Variants in RSKR observed in about 807,000 individuals in gnomAD.
RSKR encodes ribosomal protein S6 kinase related, also known as ribosomal protein S6 kinase-related protein.
RSKR carries 44 observed loss-of-function variants against 56.8 expected under a neutral mutation model. The ratio of observed to expected loss-of-function variants is 0.77; its 90% CI spans 0.61 to 1.00. The LOEUF is 1.00. Ranked by LOEUF, RSKR falls within the 50% of genes least tolerant of loss-of-function variation. RSKR has a pLI of 0.00. For missense variants in RSKR, 510 were observed against 506.9 expected, an observed-to-expected ratio of 1.01 and a Z score of -0.06; for synonymous variants, 181 against 188.0, an observed-to-expected ratio of 0.96 and a Z score of 0.30.
chr17:28,611,895 A>G lies in RSKR; in HGVS notation c.694-100T>C. On this transcript the variant is annotated intron_variant, in intron 7 of 11. Transcript: ENST00000301037. Reference sequence around the variant, plus strand: ...AAGGTGATGCCCTACTCAGCACTCAAATCTATACTCAGAGAGCCCTTCCCC... The same window carrying G: ...AAGGTGATGCCCTACTCAGCACTCAGATCTATACTCAGAGAGCCCTTCCCC... 1.9e-6 allele frequency: 3 copies of G among 1,611,738 alleles called. No individual in the cohort carries two copies. The South Asian group carries it at 3.3e-5, about 18-fold the overall frequency.
At chr17:28,613,909 G>A (rs192776035) in intron 1 of RSKR, 178 bp downstream of exon 1, 25 of 979,758 alleles carry the variant, frequency 2.6e-5, no homozygotes, top group African/African-American at 1.8e-4. Context: ...TCACCATGAC[G>A]CATTAAGAGT....
rs185508082 is a variant in RSKR at position 28,611,453 on chromosome 17, G to T, written c.840C>A (p.Tyr280Ter). 3 of 1,606,330 alleles carry T rather than the reference G, an allele frequency of 1.9e-6. No homozygotes were observed. The highest frequency in any genetic ancestry group is 2.5e-6 in the Non-Finnish European group (3 of 1,179,032). Residue 280 changes from tyrosine to a stop codon, truncating the protein, a stop_gained, in exon 10 of 12, where the codon TAC becomes TAA. Coordinates refer to ENST00000301037, the MANE Select transcript of RSKR (RefSeq NM_001174103.2). LOFTEE classifies it high-confidence loss of function. ...MAPEVLSGGP[Y>*]NHAADWWSLG... ...GGGACCACCAATCAGCAGCATGGTT[G>T]TAAGGTCCTCCACTTAGGACCTCTG... is the stretch of plus-strand genomic sequence containing the variant.
rs770214271 is a variant in RSKR at position 28,611,623 on chromosome 17, C to T, written c.755G>A (p.Arg252His). ...GGCTTGAGCTCCCTGGGGCACGTGG[C>T]GGGACAGACCAAAGTCTGTCAGTTT... ...HLKLTDFGLS[R>H]HVPQGAQAYT... Residue 252 changes from arginine to histidine, a missense_variant, in exon 9 of 12, where the codon CGC (arginine) becomes CAC (histidine). By Grantham distance (29) the Arg-to-His change is conservative. Transcript: ENST00000301037. 46 of 1,575,008 alleles carry T rather than the reference C, an allele frequency of 2.9e-5. No homozygotes were observed. Among genetic ancestry groups the T allele is most frequent in the Admixed American group, 7.2e-5 (4 of 55,748 alleles).
At chr17:28,613,234 G>T (rs1383545974) in intron 3 of RSKR, 28 bp downstream of exon 3, 1 of 1,613,866 alleles carries the variant, frequency 6.2e-7, no homozygotes, top group East Asian at 2.2e-5. Context: ...ATTGGAAACA[G>T]AGACTAATGT....
At position 28,614,113 on chromosome 17, in the gene RSKR, GT is replaced by G; in HGVS notation, c.48del (p.Glu16AspfsTer54). 6.2e-7 allele frequency: 1 copy of G among 1,613,592 alleles called. No homozygotes were observed. The highest frequency in any genetic ancestry group is 8.5e-7 in the Non-Finnish European group (1 of 1,179,944). On this transcript the variant is annotated frameshift_variant, in exon 1 of 12. Transcript: ENST00000301037. LOFTEE classifies it high-confidence loss of function. ...CRQGQHTQQGEHTRVAVPHKQ... is the reference protein window; with the variant it reads ...CRQGQHTQQGXHTRVAVPHKQ... ...TTGTGAGGGACAGCCACCCGGGTGT[GT>G]TCCCCCTGCTGGGTGTGCTGCCCCT...
intron 7 of RSKR, 86 bp downstream of exon 7, chr17:28,611,958 T>G (rs2070821629): frequency 5.0e-6 from 8 of 1,613,858 alleles, no homozygotes; most frequent in Middle Eastern, 1.6e-4. Flanking sequence ...ATGTCTACAG[T>G]TCTCAGCTCC....
At position 28,610,489 on chromosome 17, in the gene RSKR, T is replaced by G; in HGVS notation, c.1222A>C (p.Ile408Leu). The part of the protein sequence containing the change: ...CDLESFLLYP[I>L]PA The stretch of plus-strand genomic sequence containing the variant: ...TACAGTAGAGAGGCTCAAGCAGGGA[T>G]AGGGTAGAGCAAGAAGGACTCCAGA... Residue 408 changes from isoleucine to leucine, a missense_variant, in exon 12 of 12, where the codon ATC (isoleucine) becomes CTC (leucine). Transcript: ENST00000301037. The G allele has an allele frequency of 6.5e-7, 1 of 1,535,670 alleles. No individual in the cohort carries two copies. Among genetic ancestry groups the G allele is most frequent in the South Asian group, 1.2e-5 (1 of 84,030 alleles).
At chr17:28,612,391 T>A in intron 5 of RSKR, 25 bp from the exon 6 acceptor site, 3 of 1,607,150 alleles carry the variant, frequency 1.9e-6, no homozygotes, top group Non-Finnish European at 2.6e-6. Context: ...TGGAGCTACA[T>A]ACATTGCCAG....
chr17:28,611,345 C>T, intron 10 of RSKR, 48 bp downstream of exon 10: 2 of 1,534,974 alleles, frequency 1.3e-6, no homozygotes, highest in Non-Finnish European at 1.7e-6. Flanking sequence ...CTTCTTCCCA[C>T]CACAAGGCAA....
chr17:28,608,831 G>A lies in RSKR; in HGVS notation c.*1647C>T, dbSNP rs1351874028. 1.3e-5 allele frequency: 2 copies of A among 152,074 alleles called. No homozygotes were observed. The highest frequency in any genetic ancestry group is 2.4e-5 in the African/African-American group (1 of 41,412). 9.4% of individuals were successfully genotyped at this position (152,074 alleles called of 1,614,324 possible). On this transcript the variant is annotated 3_prime_UTR_variant, in exon 12 of 12. Coordinates refer to ENST00000301037, the MANE Select transcript of RSKR (RefSeq NM_001174103.2). Reference sequence around the variant, plus strand: ...CTCCAGACTGTCTTTTGTCTAGAGAGATTAGATGTAACTAAATAATATGGT... The same window carrying A: ...CTCCAGACTGTCTTTTGTCTAGAGAAATTAGATGTAACTAAATAATATGGT...
Position 28,613,103 on chromosome 17 carries a change from T to G in RSKR, c.452A>C (p.Gln151Pro). 1 of 1,614,168 alleles carries G rather than the reference T, an allele frequency of 6.2e-7. No homozygotes were observed. Among genetic ancestry groups the G allele is most frequent in the Non-Finnish European group, 8.5e-7 (1 of 1,180,034 alleles). Residue 151 changes from glutamine to proline, a missense_variant, in exon 4 of 12, where the codon CAG becomes CCG. Coordinates refer to ENST00000301037, the MANE Select transcript of RSKR (RefSeq NM_001174103.2). Reference protein sequence around the residue: ...VKVLQRDTVRQCKEEVSIQRQ... With the variant: ...VKVLQRDTVRPCKEEVSIQRQ... ...CTGGATGCTAACCTCCTCTTTGCAC[T>G]GCCTCACGGTATCCCTCTGTAGGAC...
rs569199757 is a variant in RSKR at position 28,611,127 on chromosome 17, C to T, written c.1011+16G>A. On this transcript the variant is annotated intron_variant, in intron 11 of 11. Transcript: ENST00000301037. ...ATGGTTTCGTAGCCAAGAAGGAAAG[C>T]AGTGCTCATCCTTACCTCATGGAGC... 54 of 1,516,322 alleles carry T rather than the reference C, an allele frequency of 3.6e-5. No individual in the cohort carries two copies. The African/African-American group carries it at 5.2e-4, about 15-fold the overall frequency. The allele number at this position is 1,516,322 out of a possible 1,614,324, so 93.9% of individuals were successfully genotyped here. A position where few individuals can be genotyped will look rare whatever the true frequency, so the allele number is the denominator to read the frequency against.
intron 5 of RSKR, 54 bp downstream of exon 5, chr17:28,612,564 T>C: frequency 6.3e-7 from 1 of 1,576,996 alleles, no homozygotes. Context: ...TAATCTCAGG[T>C]GGGGAACATG....
chr17:28,612,633 GT>G lies in RSKR; in HGVS notation c.531del (p.Lys177AsnfsTer54). 1 of 1,614,146 alleles carries G rather than the reference GT, an allele frequency of 6.2e-7. No homozygotes were observed. Among genetic ancestry groups the G allele is most frequent in the South Asian group, 1.1e-5 (1 of 91,084 alleles). ...VHSLGDSWQG[K>X]RHLFIMCSYC... ...AGTCACTCACTAATGAAAAGGTGCC[GT>G]TTTCCCTGCCAGCTGTCCCCCAAGC... On this transcript the variant is annotated frameshift_variant, in exon 5 of 12. Coordinates refer to ENST00000301037, the MANE Select transcript of RSKR (RefSeq NM_001174103.2). LOFTEE classifies it high-confidence loss of function.
rs2070787777 is a variant in RSKR, at chr17:28,609,839, G to A, written c.*639C>T. ...AGGCCAAGGCAGGCCGATCACTTGAGGTCAGGAGTTTGAGATCAGCCTGGC... is the reference window on the plus strand; with the variant it reads ...AGGCCAAGGCAGGCCGATCACTTGAAGTCAGGAGTTTGAGATCAGCCTGGC... On this transcript the variant is annotated 3_prime_UTR_variant, in exon 12 of 12. Coordinates refer to ENST00000301037, the MANE Select transcript of RSKR (RefSeq NM_001174103.2). 6.6e-6 allele frequency: 1 copy of A among 151,746 alleles called. No individual in the cohort carries two copies. Among genetic ancestry groups the A allele is most frequent in the African/African-American group, 2.4e-5 (1 of 41,190 alleles). 9.4% of individuals were successfully genotyped at this position (151,746 alleles called of 1,614,324 possible).
chr17:28,613,184 T>A (rs756334247), intron 3 of RSKR, 38 bp from the exon 4 acceptor site: 2 of 1,613,186 alleles, frequency 1.2e-6, no homozygotes, highest in Non-Finnish European at 1.7e-6. Flanking sequence ...TAGATAGTGC[T>A]ATTGAATTGT....
At position 28,613,235 on chromosome 17, in the gene RSKR, A is replaced by G. The variant is rs773499659; in HGVS notation, c.408+27T>C. On this transcript the variant is annotated intron_variant, in intron 3 of 11. Transcript: ENST00000301037. ...TCTCTGGAATCAAGATTGGAAACAG[A>G]GACTAATGTGGTATCTACGCCCCTA... 3.1e-6 allele frequency: 5 copies of G among 1,613,942 alleles called. No individual in the cohort carries two copies. The South Asian group carries it at 5.5e-5, about 18-fold the overall frequency.
intron 7 of RSKR, 70 bp from the exon 8 acceptor site, chr17:28,611,865 A>C: frequency 1.9e-6 from 3 of 1,613,288 alleles, no homozygotes; most frequent in Non-Finnish European, 2.5e-6. Flanking sequence ...TATACACCCC[A>C]GCTGAAGGTG....
Position 28,611,439 on chromosome 17 carries a change from TCAG to T in RSKR, c.851_853del (p.Ala284del). On this transcript the variant is annotated inframe_deletion, in exon 10 of 12. Transcript: ENST00000301037. ...AAGCAAGACACCCAGGGACCACCAA[TCAG>T]CAGCATGGTTGTAAGGTCCTCCACT... 6.2e-7 allele frequency: 1 copy of T among 1,605,344 alleles called. No homozygotes were observed. The highest frequency in any genetic ancestry group is 8.5e-7 in the Non-Finnish European group (1 of 1,179,332).
Sources: allele counts gnomAD v4.1 joint callset, GRCh38; gene constraint gnomAD v4.1.1; transcripts MANE v1.5; gene names NCBI Gene and HGNC (gene_info 2026-07-23, HGNC 2026-07-21).